TLN2: variants seen among roughly 807,000 people sequenced by gnomAD.
The protein encoded by TLN2 is talin 2, also known as talin-2.
Under a neutral mutation model 294.7 loss-of-function variants are expected in TLN2, and 118 were observed. The observed-to-expected ratio is 0.40, with a 90% confidence interval of 0.34 to 0.47. The LOEUF is 0.47. Ranked by LOEUF, TLN2 falls within the 20% of genes least tolerant of loss-of-function variation. The probability of loss-of-function intolerance (pLI) is 0.84; values close to 1 mark genes in which losing one functional copy is unlikely to be tolerated. For synonymous variants in TLN2, 1,431 were observed against 1,304.5 expected (o/e 1.10, Z -2.09); for missense variants, 3,083 against 3,282.2 (o/e 0.94, Z 1.48).
At position 62,571,322 on chromosome 15, in the gene TLN2, A is replaced by G. The variant is rs566877390; in HGVS notation, c.-237-18365A>G. On this transcript the variant is annotated intron_variant, in intron 1 of 58. Transcript: ENST00000636159. The stretch of plus-strand genomic sequence containing the variant: ...ATGTCATCTGGGGGGACGGTGCCAA[A>G]CTGTAATGTCAAGGTGACGTGCTCT... Among the ~76,000 whole-genome samples the G allele has an allele frequency of 4.6e-5, 7 of 152,254 alleles. No individual in the cohort carries two copies. In the South Asian group the frequency reaches 1.5e-3, roughly 32 times the overall value.
At chr15:62,785,796 C>T (rs190731756) in intron 45 of TLN2, among the ~76,000 whole-genome samples, 1 of 152,274 alleles carries the variant, frequency 6.6e-6, no homozygotes, top group East Asian at 1.9e-4. Context: ...GCCCTTTCCA[C>T]ATGAGTTCTT....
intron 1 of TLN2, among the ~76,000 whole-genome samples, chr15:62,532,246 TG>T (rs1369279707): frequency 6.6e-6 from 1 of 151,840 alleles, no homozygotes; most frequent in Non-Finnish European, 1.5e-5. Flanking sequence ...TAGGGTTTCT[TG>T]GTTTTTTTGT....
rs374738848 is a variant in TLN2, at chr15:62,579,781, A to G, written c.-237-9906A>G. ...TGAGGAAGTCACATTCTCTCTCTGC[A>G]TGTCCTTCAGCTGGATTGTGTCACT... is the stretch of plus-strand genomic sequence containing the variant. On this transcript the variant is annotated intron_variant, in intron 1 of 58. Transcript: ENST00000636159. 8.5e-5 allele frequency among the ~76,000 whole-genome samples: 13 copies of G among 152,322 alleles called. No individual in the cohort carries two copies. In the South Asian group the frequency reaches 1.9e-3, roughly 22 times the overall value.
intron 2 of TLN2, among the ~76,000 whole-genome samples, chr15:62,595,292 C>T (rs375521172): frequency 1.1e-4 from 16 of 151,754 alleles, no homozygotes; most frequent in South Asian, 4.2e-4. Context: ...TGGTGGTGGG[C>T]GCCTGTAATC....
At chr15:62,693,001 G>A (rs562304567) in intron 13 of TLN2, 60 bp downstream of exon 13, 19 of 1,428,906 alleles carry the variant, frequency 1.3e-5, no homozygotes, top group African/African-American at 5.7e-5. Flanking sequence ...GCTTGGTTTC[G>A]ATGACGTGGC....
At chr15:62,419,450 G>A (rs1180610459) in intron 1 of TLN2, among the ~76,000 whole-genome samples, 1 of 152,170 alleles carries the variant, frequency 6.6e-6, no homozygotes, top group Non-Finnish European at 1.5e-5. Flanking sequence ...GTCTTCCTTA[G>A]TGATCTGCCT....
chr15:62,411,428 G>GGTGTGTGTGT (rs1566950989), intron 1 of TLN2, among the ~76,000 whole-genome samples: 1 of 71,776 alleles, frequency 1.4e-5, no homozygotes, highest in Non-Finnish European at 3.1e-5. Flanking sequence ...GTGAGTAATG[G>GGTGTGTGTGT]ATGTGTGTGT....
intron 1 of TLN2, among the ~76,000 whole-genome samples, chr15:62,457,131 T>A (rs1380292530): frequency 6.6e-6 from 1 of 152,126 alleles, no homozygotes; most frequent in East Asian, 1.9e-4. Flanking sequence ...CAATAGAAAT[T>A]TTTTCACGGT....
chr15:62,574,842 T>C (rs1182636008), intron 1 of TLN2, among the ~76,000 whole-genome samples: 2 of 152,072 alleles, frequency 1.3e-5, no homozygotes, highest in Non-Finnish European at 2.9e-5. Context: ...AAAATATAAG[T>C]GTTACAGATC....
intron 29 of TLN2, among the ~76,000 whole-genome samples, chr15:62,737,826 C>T (rs190050804): frequency 7.2e-5 from 11 of 152,308 alleles, no homozygotes; most frequent in Admixed American, 2.0e-4. Flanking sequence ...TCCACCTCGG[C>T]GACCTCAGCA....
At chr15:62,694,605 G>C (rs560229293) in intron 14 of TLN2, among the ~76,000 whole-genome samples, 2 of 152,344 alleles carry the variant, frequency 1.3e-5, no homozygotes, top group African/African-American at 4.8e-5. Context: ...GGGAAACATT[G>C]ACCAAGGTGT....
rs1446961132 is a variant in TLN2 at position 62,781,007 on chromosome 15, G to T, written c.5515-133G>T. 4 of 648,562 alleles carry T rather than the reference G, an allele frequency of 6.2e-6. No homozygotes were observed. The East Asian group carries it at 1.1e-4, about 18-fold the overall frequency. 40.2% of individuals were successfully genotyped at this position (648,562 alleles called of 1,614,324 possible). A position where few individuals can be genotyped will look rare whatever the true frequency, so the allele number is the denominator to read the frequency against. On this transcript the variant is annotated intron_variant, in intron 43 of 58. Coordinates refer to ENST00000636159, the MANE Select transcript of TLN2 (RefSeq NM_015059.3). ...TTGAAGTCCTTATTGCACAAGTTGGGTAATTGAGTTGACACTGGGCGAAAG... is the reference window on the plus strand; with the variant it reads ...TTGAAGTCCTTATTGCACAAGTTGGTTAATTGAGTTGACACTGGGCGAAAG...
At chr15:62,397,503 A>T (rs2032647341) in intron 1 of TLN2, among the ~76,000 whole-genome samples, 1 of 152,080 alleles carries the variant, frequency 6.6e-6, no homozygotes. Flanking sequence ...ACCTCAAGTG[A>T]TCCTCCCACC....
chr15:62,698,153 G>C (rs566803102), intron 15 of TLN2, among the ~76,000 whole-genome samples: 38 of 152,320 alleles, frequency 2.5e-4, no homozygotes, highest in African/African-American at 8.2e-4. Flanking sequence ...GATTGGGCCA[G>C]ATACCCCTAG....
chr15:62,841,063 C>T lies in TLN2; in HGVS notation c.*453C>T, dbSNP rs1330882752. The T allele has an allele frequency of 6.5e-6, 1 of 153,176 alleles. No homozygotes were observed. The highest frequency in any genetic ancestry group is 1.9e-4 in the East Asian group (1 of 5,182). 9.5% of individuals were successfully genotyped at this position (153,176 alleles called of 1,614,324 possible). Reference sequence around the variant, plus strand: ...ACGGAAGCTGGAGTTGGACATGGTTCATAAAAGCCAGAAACACAAACCCGT... The same window carrying T: ...ACGGAAGCTGGAGTTGGACATGGTTTATAAAAGCCAGAAACACAAACCCGT... On this transcript the variant is annotated 3_prime_UTR_variant, in exon 59 of 59. Coordinates refer to ENST00000636159, the MANE Select transcript of TLN2 (RefSeq NM_015059.3).
intron 39 of TLN2, chr15:62,763,221 TTC>T (rs1266542315): frequency 3.2e-4 from 48 of 150,370 alleles, no homozygotes; most frequent in Middle Eastern, 2.9e-3. Context: ...TTTTTTTTTT[TTC>T]TTTTTTTTTT....
chr15:62,542,556 G>A (rs1218240000), intron 1 of TLN2, among the ~76,000 whole-genome samples: 2 of 152,164 alleles, frequency 1.3e-5, no homozygotes, highest in African/African-American at 2.4e-5. Flanking sequence ...GGAAAATACT[G>A]TATATACTAG....
chr15:62,637,448 T>C (rs147875233), intron 3 of TLN2: 2 of 152,252 alleles, frequency 1.3e-5, no homozygotes, highest in African/African-American at 4.8e-5. Flanking sequence ...CACAGGGGAA[T>C]AGTGAGATTG....
At chr15:62,448,505 C>T (rs149196092) in intron 1 of TLN2, among the ~76,000 whole-genome samples, 50 of 152,266 alleles carry the variant, frequency 3.3e-4, no homozygotes, top group African/African-American at 1.2e-3. Flanking sequence ...CTGTCATGTG[C>T]TGCTTTTCTA....
Sources: allele counts gnomAD v4.1 joint callset (sites outside exome capture counted in the v4.1 genomes callset), GRCh38; gene constraint gnomAD v4.1.1; transcripts MANE v1.5; gene names NCBI Gene and HGNC (gene_info 2026-07-23, HGNC 2026-07-21).